Variants in GRIK2 observed in about 807,000 individuals in gnomAD.
GRIK2 encodes the protein glutamate receptor ionotropic, kainate 2.
A neutral mutation model predicts 100.3 loss-of-function variants in GRIK2; 32 were observed. That is an observed-to-expected ratio of 0.32 (90% CI 0.24 to 0.43). GRIK2 has a LOEUF of 0.43. Among genes scored for constraint, GRIK2 ranks in the 20% least tolerant of loss-of-function variants. GRIK2 has a pLI of 1.00. For synonymous variants in GRIK2, 417 were observed against 389.4 expected (o/e 1.07, Z -0.83); for missense variants, 843 against 1,114.9 (o/e 0.76, Z 3.47).
chr6:101,971,256 C>T (rs914046471), intron 14 of GRIK2, among the ~76,000 whole-genome samples: 4 of 152,036 alleles, frequency 2.6e-5, no homozygotes, highest in Non-Finnish European at 5.9e-5. Context: ...AGTTTTACAA[C>T]CATTTTTCTA....
intron 14 of GRIK2, among the ~76,000 whole-genome samples, chr6:101,962,179 C>G (rs1453922344): frequency 6.6e-6 from 1 of 152,100 alleles, no homozygotes; most frequent in Non-Finnish European, 1.5e-5. Flanking sequence ...CAGACTCTTG[C>G]TTCCTTCTTT....
chr6:101,848,821 CAA>C (rs2128438707), intron 10 of GRIK2, among the ~76,000 whole-genome samples: 1 of 152,182 alleles, frequency 6.6e-6, no homozygotes, highest in South Asian at 2.1e-4. Context: ...TAAATCTACC[CAA>C]GAGTGTTGCT....
intron 16 of GRIK2, among the ~76,000 whole-genome samples, chr6:102,056,492 C>T (rs937300321): frequency 6.6e-6 from 1 of 151,888 alleles, no homozygotes; most frequent in African/African-American, 2.4e-5. Flanking sequence ...GTAAACATCT[C>T]TTTTGTTTTT....
At chr6:101,940,318 G>A (rs1790880048) in intron 14 of GRIK2, among the ~76,000 whole-genome samples, 1 of 151,898 alleles carries the variant, frequency 6.6e-6, no homozygotes, top group Admixed American at 6.6e-5. Flanking sequence ...TTTCCCTGGG[G>A]GCCTAACAAT....
In GRIK2 at chr6:101,791,508, T is replaced by G. The variant is rs377761684; in HGVS notation, c.952-8140T>G. Reference sequence around the variant, plus strand: ...AGCAGGTTGTTCAGTTTCCATGTAGTTGTGCGGTTTTGAGTGAGTTTCTTA... The same window carrying G: ...AGCAGGTTGTTCAGTTTCCATGTAGGTGTGCGGTTTTGAGTGAGTTTCTTA... On this transcript the variant is annotated intron_variant, in intron 7 of 16. Coordinates refer to ENST00000369134, the MANE Select transcript of GRIK2 (RefSeq NM_021956.5). Among the ~76,000 whole-genome samples, 114 of 152,334 alleles carry G rather than the reference T, an allele frequency of 7.5e-4. 3 individuals carry two copies. The South Asian group carries it at 0.023, about 31-fold the overall frequency.
intron 2 of GRIK2, among the ~76,000 whole-genome samples, chr6:101,521,656 A>C (rs1161384406): frequency 6.6e-6 from 1 of 151,888 alleles, no homozygotes; most frequent in East Asian, 1.9e-4. Context: ...AAGTAAAATA[A>C]GATACTTTTT....
intron 7 of GRIK2, among the ~76,000 whole-genome samples, chr6:101,736,201 T>G (rs896459439): frequency 2.0e-5 from 3 of 152,210 alleles, no homozygotes; most frequent in African/African-American, 7.2e-5. Context: ...GGGCTGGTGT[T>G]GAATGTCTGC....
chr6:101,618,088 T>C (rs1428716591), intron 2 of GRIK2, among the ~76,000 whole-genome samples: 1 of 151,730 alleles, frequency 6.6e-6, no homozygotes, highest in Non-Finnish European at 1.5e-5. Flanking sequence ...ATTTTTACCT[T>C]TATAAGCATC....
chr6:101,889,090 G>A (rs1443056002), intron 11 of GRIK2, among the ~76,000 whole-genome samples: 1 of 151,840 alleles, frequency 6.6e-6, no homozygotes, highest in African/African-American at 2.4e-5. Flanking sequence ...AAAATTCAGA[G>A]GTAGTAAACA....
At chr6:101,519,588 A>G (rs1774769678) in intron 2 of GRIK2, among the ~76,000 whole-genome samples, 1 of 152,092 alleles carries the variant, frequency 6.6e-6, no homozygotes, top group Non-Finnish European at 1.5e-5. Context: ...TTTCTAATTA[A>G]GTCCCAGAAT....
chr6:101,440,587 G>C (rs1319631383), intron 2 of GRIK2, among the ~76,000 whole-genome samples: 3 of 152,180 alleles, frequency 2.0e-5, no homozygotes, highest in African/African-American at 7.2e-5. Context: ...ACTGAAAGCT[G>C]TACATCTTTC....
At position 102,033,119 on chromosome 6, in the gene GRIK2, C is replaced by A. The variant is rs376202996; in HGVS notation, c.2086-2222C>A. Among the ~76,000 whole-genome samples, 14 of 151,226 alleles carry A rather than the reference C, an allele frequency of 9.3e-5. No individual in the cohort carries two copies. The East Asian group carries it at 2.5e-3, about 27-fold the overall frequency. ...TATAAAAGGGGTACAAAAATACCTA[C>A]ATATTTTTATAAAAATTAAAAATTT... is the stretch of plus-strand genomic sequence containing the variant. On this transcript the variant is annotated intron_variant, in intron 14 of 16. Coordinates refer to ENST00000369134, the MANE Select transcript of GRIK2 (RefSeq NM_021956.5).
intron 2 of GRIK2, among the ~76,000 whole-genome samples, chr6:101,403,127 T>G (rs1401198621): frequency 6.6e-6 from 1 of 152,190 alleles, no homozygotes; most frequent in African/African-American, 2.4e-5. Context: ...AGCATCCTTT[T>G]TAAGAAATCA....
chr6:101,884,906 C>G (rs1786508353), intron 11 of GRIK2, among the ~76,000 whole-genome samples: 1 of 152,044 alleles, frequency 6.6e-6, no homozygotes, highest in Non-Finnish European at 1.5e-5. Context: ...GGAAGAGTTT[C>G]ACATAGAATG....
chr6:101,425,315 A>G (rs1022997690), intron 2 of GRIK2, among the ~76,000 whole-genome samples: 1 of 152,194 alleles, frequency 6.6e-6, no homozygotes, highest in Non-Finnish European at 1.5e-5. Context: ...GAGACATTAG[A>G]TTTAATAAAT....
intron 14 of GRIK2, among the ~76,000 whole-genome samples, chr6:102,029,375 A>G (rs1296652146): frequency 6.6e-6 from 1 of 151,248 alleles, no homozygotes; most frequent in East Asian, 1.9e-4. Context: ...CTGCAACTTT[A>G]TATTTCCTTT....
intron 4 of GRIK2, among the ~76,000 whole-genome samples, chr6:101,669,514 T>A (rs1310575514): frequency 6.6e-6 from 1 of 152,092 alleles, no homozygotes; most frequent in Non-Finnish European, 1.5e-5. Context: ...TATTTGCTTG[T>A]GTGTGATATG....
At chr6:101,917,985 A>T (rs560221513) in intron 12 of GRIK2, among the ~76,000 whole-genome samples, 1 of 151,662 alleles carries the variant, frequency 6.6e-6, no homozygotes, top group Non-Finnish European at 1.5e-5. Flanking sequence ...TTTGTTTAAG[A>T]CAAATTAATG....
At chr6:101,674,073 A>C (rs1770645042) in intron 4 of GRIK2, among the ~76,000 whole-genome samples, 1 of 152,176 alleles carries the variant, frequency 6.6e-6, no homozygotes. Flanking sequence ...GAAGTTGAGA[A>C]TCTTGCTTTG....
Sources: allele counts gnomAD v4.1 joint callset (sites outside exome capture counted in the v4.1 genomes callset), GRCh38; gene constraint gnomAD v4.1.1; transcripts MANE v1.5; gene names NCBI Gene and HGNC (gene_info 2026-07-23, HGNC 2026-07-21).